The following LRP1B variants were observed in gnomAD, a reference collection of about 807,000 sequenced individuals.
The protein encoded by LRP1B is low-density lipoprotein receptor-related protein 1B.
Under a neutral mutation model 556.6 loss-of-function variants are expected in LRP1B, and 217 were observed. The ratio of observed to expected loss-of-function variants is 0.39; its 90% CI spans 0.35 to 0.44. LRP1B has a LOEUF of 0.44. LRP1B is among the 20% of genes least tolerant of loss of function. The pLI is 1.00. For synonymous variants in LRP1B, 2,047 were observed against 1,865.8 expected, an observed-to-expected ratio of 1.10 and a Z score of -2.50; for missense variants, 5,053 against 5,620.8, an observed-to-expected ratio of 0.90 and a Z score of 3.23.
At chr2:140,590,518 A>G (rs1682178213) in intron 43 of LRP1B, among the ~76,000 whole-genome samples, 2 of 151,214 alleles carry the variant, frequency 1.3e-5, no homozygotes, top group Non-Finnish European at 1.5e-5. Context: ...TCATAAGGGT[A>G]GGTTACTAAT....
At chr2:141,863,717 G>A (rs978645363) in intron 1 of LRP1B, among the ~76,000 whole-genome samples, 4 of 152,044 alleles carry the variant, frequency 2.6e-5, no homozygotes, top group Admixed American at 2.6e-4. Context: ...AGTATCCAAA[G>A]CACTTATTCC....
chr2:141,260,378 G>A (rs1684639873), intron 3 of LRP1B, among the ~76,000 whole-genome samples: 1 of 151,978 alleles, frequency 6.6e-6, no homozygotes, highest in Non-Finnish European at 1.5e-5. Context: ...AACATCATTG[G>A]GATTTAGGAC....
intron 2 of LRP1B, among the ~76,000 whole-genome samples, chr2:141,724,757 T>C (rs551382726): frequency 7.2e-5 from 11 of 152,050 alleles, no homozygotes; most frequent in African/African-American, 2.4e-4. Flanking sequence ...AGGAAAGAAT[T>C]CCAGTTATTC....
chr2:142,115,845 T>TA lies in LRP1B; in HGVS notation c.82+14802dup, dbSNP rs1707248524. On this transcript the variant is annotated intron_variant, in intron 1 of 90. Coordinates refer to ENST00000389484, the MANE Select transcript of LRP1B (RefSeq NM_018557.3). ...TAATATATATCATATATATGTAATA[T>TA]ATATATATACATATATATATATATG... 2.4e-3 allele frequency among the ~76,000 whole-genome samples: 22 copies of TA among 9,352 alleles called. 6 individuals carry two copies. The highest frequency in any genetic ancestry group is 7.8e-3 in the African/African-American group (22 of 2,838). The allele number at this position is 9,352 out of a possible 152,430, so 6.1% of individuals were successfully genotyped here. A position where few individuals can be genotyped will look rare whatever the true frequency, so the allele number is the denominator to read the frequency against.
chr2:142,119,573 A>G (rs931735060), intron 1 of LRP1B, among the ~76,000 whole-genome samples: 3 of 152,222 alleles, frequency 2.0e-5, no homozygotes, highest in Admixed American at 2.0e-4. Context: ...AAATCATAGG[A>G]ACAAAATCCC....
intron 1 of LRP1B, among the ~76,000 whole-genome samples, chr2:141,960,063 T>C (rs1050975004): frequency 2.0e-5 from 3 of 151,874 alleles, no homozygotes; most frequent in African/African-American, 4.8e-5. Flanking sequence ...AGTTGAAACG[T>C]GACAAATGCA....
chr2:141,485,898 G>A (rs1030259103), intron 2 of LRP1B, among the ~76,000 whole-genome samples: 1 of 152,248 alleles, frequency 6.6e-6, no homozygotes, highest in East Asian at 1.9e-4. Context: ...AAGGAACATG[G>A]TTGGAGGCTC....
rs1175498617 is a variant in LRP1B at position 140,923,040 on chromosome 2, C to G, written c.3244G>C (p.Gly1082Arg). Residue 1082 changes from glycine to arginine, a missense_variant, in exon 21 of 91, where the codon GGT (glycine) becomes CGT (arginine). This residue lies in a region of LRP1B where 3,619 missense variants were observed against 3,931.9 expected (regional missense o/e 0.92). Coordinates refer to ENST00000389484, the MANE Select transcript of LRP1B (RefSeq NM_018557.3). The stretch of plus-strand genomic sequence containing the variant: ...CCATTGCAACCTTTTTCATCACTAC[C>G]ATCTTCACAGTCTTTTTCTCCATCA... ...RCDGEKDCED[G>R]SDEKGCNGTI... is the part of the protein sequence containing the mutation. 1 of 1,613,080 alleles carries G rather than the reference C, an allele frequency of 6.2e-7. No homozygotes were observed. The highest frequency in any genetic ancestry group is 1.3e-5 in the African/African-American group (1 of 74,844).
chr2:140,463,807 G>C (rs757413975), intron 60 of LRP1B, among the ~76,000 whole-genome samples: 28 of 152,130 alleles, frequency 1.8e-4, no homozygotes, highest in Non-Finnish European at 3.1e-4. Context: ...GAGTGATATT[G>C]ATCAAATGTC....
chr2:141,836,629 C>A (rs146534551), intron 1 of LRP1B, among the ~76,000 whole-genome samples: 6 of 152,036 alleles, frequency 3.9e-5, no homozygotes, highest in Admixed American at 2.6e-4. Context: ...TTTTGTAACA[C>A]ATATATCAAT....
intron 41 of LRP1B, chr2:140,683,742 C>T: frequency 1.1e-6 from 1 of 934,266 alleles, no homozygotes; most frequent in Non-Finnish European, 1.7e-6. Context: ...CTAGTCGATC[C>T]ATAGCCTTCT....
chr2:141,279,478 T>C (rs1573747372), intron 3 of LRP1B, among the ~76,000 whole-genome samples: 1 of 152,022 alleles, frequency 6.6e-6, no homozygotes, highest in Non-Finnish European at 1.5e-5. Flanking sequence ...TAATCAGTCC[T>C]TAGGGTAATA....
intron 2 of LRP1B, among the ~76,000 whole-genome samples, chr2:141,746,892 G>A (rs1009132514): frequency 1.3e-5 from 2 of 152,124 alleles, no homozygotes; most frequent in African/African-American, 2.4e-5. Flanking sequence ...ATAGATGCAA[G>A]TGATATTCCC....
intron 25 of LRP1B, among the ~76,000 whole-genome samples, chr2:140,881,000 A>G (rs748909723): frequency 1.3e-5 from 2 of 152,162 alleles, no homozygotes; most frequent in Non-Finnish European, 2.9e-5. Flanking sequence ...AAAATATAAC[A>G]GTATTTATAT....
intron 41 of LRP1B, among the ~76,000 whole-genome samples, chr2:140,617,333 T>TTG (rs1559008688): frequency 3.3e-5 from 5 of 151,888 alleles, no homozygotes; most frequent in Non-Finnish European, 7.4e-5. Context: ...AGGTGATACC[T>TTG]GCAAAACAGA....
intron 35 of LRP1B, 126 bp downstream of exon 35, chr2:140,769,087 T>G: frequency 1.2e-6 from 1 of 846,232 alleles, no homozygotes; most frequent in Non-Finnish European, 1.8e-6. Context: ...TTAATATTTA[T>G]CTATTTGCTG....
At chr2:141,667,629 TA>T (rs1248639608) in intron 2 of LRP1B, among the ~76,000 whole-genome samples, 1 of 152,218 alleles carries the variant, frequency 6.6e-6, no homozygotes, top group East Asian at 1.9e-4. Context: ...CTTTAGACCA[TA>T]TATGTTCTAA....
chr2:140,509,680 T>A (rs1231782383), intron 52 of LRP1B, among the ~76,000 whole-genome samples: 1 of 152,124 alleles, frequency 6.6e-6, no homozygotes, highest in African/African-American at 2.4e-5. Flanking sequence ...AAATGATAAA[T>A]CTGTGTTTAT....
At chr2:140,927,686 C>T (rs1206788733) in intron 20 of LRP1B, among the ~76,000 whole-genome samples, 1 of 146,150 alleles carries the variant, frequency 6.8e-6, no homozygotes, top group Non-Finnish European at 1.5e-5. Context: ...TTGTGTGAGG[C>T]AGATTAGTAT....
Sources: allele counts gnomAD v4.1 joint callset (sites outside exome capture counted in the v4.1 genomes callset), GRCh38; gene constraint gnomAD v4.1.1; regional missense constraint gnomAD v4.1.1; transcripts MANE v1.5; gene names NCBI Gene and HGNC (gene_info 2026-07-23, HGNC 2026-07-21).